Variants in ICA1 observed in about 807,000 individuals in gnomAD.
The protein encoded by ICA1 is islet cell autoantigen 1, also known as 69 kDa islet cell autoantigen.
Under a neutral mutation model 71.0 loss-of-function variants are expected in ICA1, and 40 were observed. The observed-to-expected ratio is 0.56, with a 90% CI of 0.44 to 0.73. ICA1 has a LOEUF of 0.73. ICA1 is among the 30% of genes least tolerant of loss of function. ICA1 has a pLI of 0.00. For missense variants in ICA1, 578 were observed against 576.5 expected (o/e 1.00, Z -0.03); for synonymous variants, 207 against 209.5 (o/e 0.99, Z 0.10).
At position 8,215,436 on chromosome 7, in the gene ICA1, C is replaced by T. The variant is rs1297678626; in HGVS notation, c.579+2869G>A. ...CCTTCCAGGAGCTCCTGCAGCACCA[C>T]GTGCCACCATAGACACTACTGTTCA... is the stretch of plus-strand genomic sequence containing the variant. On this transcript the variant is annotated intron_variant, in intron 6 of 13. Transcript: ENST00000402384. 4.6e-5 allele frequency among the ~76,000 whole-genome samples: 7 copies of T among 152,298 alleles called. No individual in the cohort carries two copies. In the East Asian group the frequency reaches 9.6e-4, roughly 21 times the overall value.
intron 1 of ICA1, among the ~76,000 whole-genome samples, chr7:8,241,536 A>G (rs1366239228): frequency 8.2e-6 from 1 of 121,534 alleles, no homozygotes; most frequent in Non-Finnish European, 1.7e-5. Context: ...AGCTAACATC[A>G]TAATGACAGA....
chr7:8,114,981 A>G (rs1016205255), intron 13 of ICA1: 2 of 152,180 alleles, frequency 1.3e-5, no homozygotes, highest in African/African-American at 2.4e-5. Context: ...AGTCTCAGGA[A>G]GTGTTGGTAG....
intron 6 of ICA1, among the ~76,000 whole-genome samples, chr7:8,192,104 A>G (rs1785860833): frequency 6.6e-6 from 1 of 152,224 alleles, no homozygotes; most frequent in Admixed American, 6.5e-5. Context: ...GAACTCTCTT[A>G]CATAACCACA....
intron 6 of ICA1, among the ~76,000 whole-genome samples, chr7:8,206,888 C>T (rs77520243): frequency 1.6e-3 from 240 of 152,298 alleles, no homozygotes; most frequent in African/African-American, 5.6e-3. Flanking sequence ...CCTCCTCTTC[C>T]GATGTGGATA....
intron 6 of ICA1, among the ~76,000 whole-genome samples, chr7:8,176,817 A>C (rs1780775164): frequency 6.6e-6 from 1 of 152,174 alleles, no homozygotes; most frequent in Admixed American, 6.5e-5. Flanking sequence ...TGACTTTCAC[A>C]ATGTACCTAC....
At chr7:8,137,818 A>C (rs1286313503) in intron 12 of ICA1, among the ~76,000 whole-genome samples, 1 of 152,244 alleles carries the variant, frequency 6.6e-6, no homozygotes, top group Non-Finnish European at 1.5e-5. Flanking sequence ...TCTACTTTTG[A>C]CAAAACTTTA....
chr7:8,185,391 C>T (rs943158131), intron 6 of ICA1, among the ~76,000 whole-genome samples: 6 of 152,198 alleles, frequency 3.9e-5, no homozygotes, highest in Non-Finnish European at 8.8e-5. Flanking sequence ...TCCATCCATC[C>T]ATCCACCCAC....
chr7:8,146,878 ACACG>A (rs1483882017), intron 8 of ICA1, among the ~76,000 whole-genome samples: 9 of 98,658 alleles, frequency 9.1e-5, no homozygotes, highest in Admixed American at 2.9e-4. Flanking sequence ...ACACACACAC[ACACG>A]CACACACACA....
chr7:8,141,859 G>A (rs763122814), intron 9 of ICA1, 42 bp from the exon 10 acceptor site: 6 of 1,433,886 alleles, frequency 4.2e-6, no homozygotes, highest in Admixed American at 1.8e-5. Flanking sequence ...TTCTACCAAT[G>A]TTATATTTAT....
chr7:8,238,220 T>A (rs932849515), intron 1 of ICA1, among the ~76,000 whole-genome samples: 1 of 152,178 alleles, frequency 6.6e-6, no homozygotes, highest in Non-Finnish European at 1.5e-5. Flanking sequence ...GGAAACTGCC[T>A]ATTGTTTTCC....
chr7:8,135,315 C>T (rs1793028690), intron 12 of ICA1, among the ~76,000 whole-genome samples: 1 of 152,070 alleles, frequency 6.6e-6, no homozygotes, highest in Non-Finnish European at 1.5e-5. Context: ...GTGTGAGCCA[C>T]CGCGCCCGGC....
chr7:8,180,601 G>A (rs559331267), intron 6 of ICA1, among the ~76,000 whole-genome samples: 3 of 152,232 alleles, frequency 2.0e-5, no homozygotes, highest in East Asian at 1.9e-4. Flanking sequence ...TTTACACTCC[G>A]ACTATCAGTG....
chr7:8,129,305 G>A (rs1024345767), intron 12 of ICA1, among the ~76,000 whole-genome samples: 1 of 151,424 alleles, frequency 6.6e-6, no homozygotes. Flanking sequence ...ATTCTGATAT[G>A]GTCATATTAA....
rs1368092258 is a variant in ICA1, at chr7:8,234,222, A to G, written c.18-1467T>C. Among the ~76,000 whole-genome samples, 2 of 152,222 alleles carry G rather than the reference A, an allele frequency of 1.3e-5. No homozygotes were observed. Among genetic ancestry groups the G allele is most frequent in the Admixed American group, 1.3e-4 (2 of 15,280 alleles). On this transcript the variant is annotated intron_variant, in intron 2 of 13. Coordinates refer to ENST00000402384, the MANE Select transcript of ICA1 (RefSeq NM_001136020.3). The surrounding 1 kb of genome is among the most constrained non-coding windows in gnomAD (Gnocchi z 4.5). ...CGGGGCGAGACCCTGTCCCTCAAAAAAGAAAAAAGAGAAGAAAAAAGAGAA... is the reference window on the plus strand; with the variant it reads ...CGGGGCGAGACCCTGTCCCTCAAAAGAGAAAAAAGAGAAGAAAAAAGAGAA...
At chr7:8,245,123 C>T (rs780833880) in intron 1 of ICA1, among the ~76,000 whole-genome samples, 45 of 152,172 alleles carry the variant, frequency 3.0e-4, no homozygotes, top group East Asian at 5.8e-4. Context: ...ATGTTTACTG[C>T]GGCACTATTC....
chr7:8,116,614 G>C (rs534271305), intron 13 of ICA1: 1 of 152,064 alleles, frequency 6.6e-6, no homozygotes, highest in Non-Finnish European at 1.5e-5. Context: ...AAGCACAATC[G>C]TTTCATGATC....
intron 6 of ICA1, among the ~76,000 whole-genome samples, chr7:8,205,965 T>C (rs994395263): frequency 1.4e-4 from 22 of 152,334 alleles, no homozygotes; most frequent in African/African-American, 5.3e-4. Context: ...AGTGTGGAGA[T>C]GGTTCCCTCT....
chr7:8,228,672 A>T lies in ICA1; in HGVS notation c.185T>A (p.Leu62Gln). The change falls in exon 4 of 14, where the codon CTG becomes CAG. Residue 62 changes from leucine to glutamine, a missense_variant and splice_region_variant. By Grantham distance (113) the Leu-to-Gln change is moderately radical (BLOSUM62 -2). Coordinates refer to ENST00000402384, the MANE Select transcript of ICA1 (RefSeq NM_001136020.3). ...ACAGGTTCTCTGAATTGAATGAAAC[A>T]GCTGTAATAAAAATACAAACAAAAT... is the stretch of plus-strand genomic sequence containing the variant. ...SDADLDAKLELFHSIQRTCLD... is the reference protein window; with the variant it reads ...SDADLDAKLEQFHSIQRTCLD... The T allele has an allele frequency of 6.3e-7, 1 of 1,593,456 alleles. No homozygotes were observed. The highest frequency in any genetic ancestry group is 8.6e-7 in the Non-Finnish European group (1 of 1,168,306).
chr7:8,153,503 T>G (rs66954776), intron 8 of ICA1, among the ~76,000 whole-genome samples: 2 of 152,134 alleles, frequency 1.3e-5, no homozygotes, highest in East Asian at 1.9e-4. Flanking sequence ...GGTCTTTTTT[T>G]TTCCCCCTTG....
Sources: gnomAD v4.1 joint callset for allele counts (sites outside exome capture counted in the v4.1 genomes callset) on GRCh38, gnomAD v4.1.1 for gene constraint, Gnocchi (gnomAD v3.1) non-coding constraint, MANE v1.5 for transcripts, NCBI Gene and HGNC (gene_info 2026-07-23, HGNC 2026-07-21) for gene names.